COL21A1: variants seen among roughly 807,000 people sequenced by gnomAD.
COL21A1 encodes the protein collagen type XXI alpha 1 chain.
In COL21A1, 149 loss-of-function variants were observed where a neutral mutation model predicts 137.9. That is an observed-to-expected ratio of 1.08 (90% CI 0.95 to 1.24). The LOEUF is 1.24. COL21A1 is among the 50% of genes most tolerant of loss of function. COL21A1 has a pLI of 0.00. For synonymous variants in COL21A1, 456 were observed against 391.5 expected (o/e 1.16, Z -1.95); for missense variants, 1,167 against 1,158.4 (o/e 1.01, Z -0.11).
At chr6:56,230,904 A>G (rs1010544271) in intron 1 of COL21A1, among the ~76,000 whole-genome samples, 3 of 152,060 alleles carry the variant, frequency 2.0e-5, no homozygotes, top group Admixed American at 6.6e-5. Context: ...ATAATTGCTT[A>G]CTTAAATATA....
Position 56,168,817 on chromosome 6 carries a change from C to T in COL21A1, c.1027-520G>A, listed in dbSNP as rs541406323. Among the ~76,000 whole-genome samples, 10 of 150,270 alleles carry T rather than the reference C, an allele frequency of 6.7e-5. No homozygotes were observed. In the South Asian group the frequency reaches 2.1e-3, roughly 31 times the overall value. On this transcript the variant is annotated intron_variant, in intron 5 of 29. Coordinates refer to ENST00000244728, the MANE Select transcript of COL21A1 (RefSeq NM_030820.4). ...ATAGGTCTATTCTGGACATTTTTCA[C>T]CCCCTCTTTGACTCATCCATTCCTC...
chr6:56,222,258 A>G (rs1334701607), intron 1 of COL21A1, among the ~76,000 whole-genome samples: 2 of 152,054 alleles, frequency 1.3e-5, no homozygotes, highest in Non-Finnish European at 2.9e-5. Flanking sequence ...TGGCAACAAG[A>G]GTGAAATTCC....
At chr6:56,254,362 A>T (rs1782922243) in intron 1 of COL21A1, among the ~76,000 whole-genome samples, 1 of 152,200 alleles carries the variant, frequency 6.6e-6, no homozygotes, top group Non-Finnish European at 1.5e-5. Context: ...CAGAGGGAAG[A>T]TACATTATTT....
intron 1 of COL21A1, among the ~76,000 whole-genome samples, chr6:56,195,408 C>A (rs1428419047): frequency 6.6e-6 from 1 of 151,868 alleles, no homozygotes; most frequent in Non-Finnish European, 1.5e-5. Context: ...AGAATCTGAG[C>A]CCCAGTCTCT....
chr6:56,157,129 C>A (rs1293464858), intron 9 of COL21A1, among the ~76,000 whole-genome samples, 180 bp from the exon 10 acceptor site: 1 of 150,334 alleles, frequency 6.7e-6, no homozygotes, highest in Non-Finnish European at 1.5e-5. Flanking sequence ...TTTTATTATA[C>A]TGAACTTTCA....
intron 1 of COL21A1, among the ~76,000 whole-genome samples, chr6:56,239,797 T>C (rs1421449418): frequency 1.3e-5 from 2 of 152,166 alleles, no homozygotes; most frequent in African/African-American, 2.4e-5. Flanking sequence ...CCAATGTGAT[T>C]GTATTAAGCG....
chr6:56,125,716 C>A (rs979104796), intron 13 of COL21A1, 96 bp from the exon 14 acceptor site: 6 of 712,868 alleles, frequency 8.4e-6, no homozygotes, highest in African/African-American at 5.6e-5. Context: ...GTTTAATATG[C>A]CAAAAGCAAA....
intron 1 of COL21A1, among the ~76,000 whole-genome samples, chr6:56,323,055 A>G (rs1764912010): frequency 6.6e-6 from 1 of 152,104 alleles, no homozygotes; most frequent in South Asian, 2.1e-4. Context: ...AGGATGAAAT[A>G]TTACCTATTG....
intron 1 of COL21A1, among the ~76,000 whole-genome samples, chr6:56,289,126 C>T (rs994002304): frequency 6.6e-6 from 1 of 152,180 alleles, no homozygotes; most frequent in Non-Finnish European, 1.5e-5. Context: ...TGACACAGTG[C>T]AGGCCCACTT....
At chr6:56,115,242 T>C (rs967091309) in intron 16 of COL21A1, among the ~76,000 whole-genome samples, 2 of 150,386 alleles carry the variant, frequency 1.3e-5, no homozygotes, top group South Asian at 4.2e-4. Context: ...CACGTATACA[T>C]ATGTAACTAA....
chr6:56,095,564 C>T (rs993299480), intron 17 of COL21A1, among the ~76,000 whole-genome samples: 2 of 152,170 alleles, frequency 1.3e-5, no homozygotes, highest in Non-Finnish European at 2.9e-5. Flanking sequence ...CCTGGTTTGG[C>T]CTCTATCTAT....
chr6:56,302,522 G>T (rs1195223946), intron 1 of COL21A1, among the ~76,000 whole-genome samples: 8 of 151,898 alleles, frequency 5.3e-5, no homozygotes, highest in Admixed American at 2.0e-4. Flanking sequence ...CTGCATAAAT[G>T]TCTTCTTTTG....
chr6:56,126,273 CAT>C, intron 12 of COL21A1, 124 bp from the exon 13 acceptor site: 1 of 622,552 alleles, frequency 1.6e-6, no homozygotes, highest in Non-Finnish European at 2.8e-6. Flanking sequence ...CAGTTAATTT[CAT>C]ATCAGCATTC....
intron 1 of COL21A1, among the ~76,000 whole-genome samples, chr6:56,236,981 C>A (rs560694744): frequency 6.6e-6 from 1 of 152,138 alleles, no homozygotes; most frequent in African/African-American, 2.4e-5. Flanking sequence ...TAAAACTTCT[C>A]AACTCCCTAT....
At chr6:56,336,290 C>A (rs896505161) in intron 1 of COL21A1, among the ~76,000 whole-genome samples, 2 of 152,134 alleles carry the variant, frequency 1.3e-5, no homozygotes, top group African/African-American at 4.8e-5. Flanking sequence ...TGGAATACTC[C>A]ATGAATTCTA....
At chr6:56,144,312 C>T (rs977313320) in intron 10 of COL21A1, among the ~76,000 whole-genome samples, 10 of 152,120 alleles carry the variant, frequency 6.6e-5, no homozygotes, top group African/African-American at 2.2e-4. Context: ...TCAGAAAGTG[C>T]TTTATGGCGG....
At chr6:56,340,680 T>A (rs1415767202) in intron 1 of COL21A1, among the ~76,000 whole-genome samples, 1 of 152,184 alleles carries the variant, frequency 6.6e-6, no homozygotes, top group Non-Finnish European at 1.5e-5. Context: ...TCCCTAGTGT[T>A]AATACCTTAC....
chr6:56,215,772 A>C (rs1292509755), intron 1 of COL21A1, among the ~76,000 whole-genome samples: 1 of 152,128 alleles, frequency 6.6e-6, no homozygotes, highest in African/African-American at 2.4e-5. Flanking sequence ...ATTTTTTAAC[A>C]GCAAAATTTG....
intron 10 of COL21A1, among the ~76,000 whole-genome samples, chr6:56,150,664 C>A (rs535539500): frequency 6.6e-6 from 1 of 152,250 alleles, no homozygotes; most frequent in African/African-American, 2.4e-5. Context: ...AACTCACTTC[C>A]TGAGCCCACT....
Sources: allele counts gnomAD v4.1 joint callset (sites outside exome capture counted in the v4.1 genomes callset), GRCh38; gene constraint gnomAD v4.1.1; transcripts MANE v1.5; gene names NCBI Gene and HGNC (gene_info 2026-07-23, HGNC 2026-07-21).